SCAF4: variants seen among roughly 807,000 people sequenced by gnomAD.
The protein encoded by SCAF4 is SR-related and CTD-associated factor 4.
SCAF4 carries 25 observed loss-of-function variants against 129.8 expected under a neutral mutation model. That is an observed-to-expected ratio of 0.19 (90% CI 0.14 to 0.27). SCAF4 has a LOEUF of 0.27. Among genes scored for constraint, SCAF4 ranks in the 10% least tolerant of loss-of-function variants. The pLI, the probability that SCAF4 is intolerant of heterozygous loss-of-function variation, is 1.00. For missense variants in SCAF4, 1,246 were observed against 1,457.1 expected, an observed-to-expected ratio of 0.86 and a Z score of 2.36; for synonymous variants, 551 against 497.7, an observed-to-expected ratio of 1.11 and a Z score of -1.43.
intron 19 of SCAF4, among the ~76,000 whole-genome samples, chr21:31,674,820 GTATTAAAT>G (rs2049809841): frequency 6.6e-6 from 1 of 151,888 alleles, no homozygotes; most frequent in Middle Eastern, 3.4e-3. Flanking sequence ...TTCATATTAT[GTATTAAAT>G]ATCTGAATTT....
rs961057973 is a variant in SCAF4 at position 31,688,396 on chromosome 21, T to C, written c.1954A>G (p.Thr652Ala). 1.1e-5 allele frequency: 18 copies of C among 1,613,966 alleles called. No individual in the cohort carries two copies. Among genetic ancestry groups the C allele is most frequent in the Non-Finnish European group, 1.4e-5 (17 of 1,179,926 alleles). The change falls in exon 16 of 20, where the codon ACA (threonine) becomes GCA (alanine). Residue 652 changes from threonine to alanine, a missense_variant. Physicochemically the swap from Thr to Ala is moderately conservative, Grantham distance 58. Transcript: ENST00000286835. Reference protein sequence around the residue: ...AQNGGAETSHTEPVSPIPKPL... With the variant: ...AQNGGAETSHAEPVSPIPKPL... The stretch of plus-strand genomic sequence containing the variant: ...TTAGGTATGGGTGATACTGGTTCTG[T>C]GTGTGAGGTTTCAGCACCTCCATTT...
At chr21:31,727,488 A>T (rs907308766) in intron 1 of SCAF4, among the ~76,000 whole-genome samples, 1 of 152,228 alleles carries the variant, frequency 6.6e-6, no homozygotes, top group African/African-American at 2.4e-5. Context: ...TAAAAATACA[A>T]TCAATGGGTT....
chr21:31,720,324 T>G (rs1425970880), intron 1 of SCAF4, among the ~76,000 whole-genome samples: 4 of 152,248 alleles, frequency 2.6e-5, no homozygotes, highest in Admixed American at 2.6e-4. Context: ...ATAGACATCT[T>G]TAGTTTTAAA....
At chr21:31,716,735 T>C (rs189909613) in intron 1 of SCAF4, among the ~76,000 whole-genome samples, 253 of 152,298 alleles carry the variant, frequency 1.7e-3, no homozygotes, top group African/African-American at 5.7e-3. Context: ...GTCCTTTTCT[T>C]AACCTGGTAT....
intron 1 of SCAF4, among the ~76,000 whole-genome samples, chr21:31,719,587 C>T (rs2051021982): frequency 6.6e-6 from 1 of 152,126 alleles, no homozygotes; most frequent in African/African-American, 2.4e-5. Flanking sequence ...GCACCACAAC[C>T]TCCGCCTCCT....
At chr21:31,713,815 A>G (rs188935517) in intron 1 of SCAF4, among the ~76,000 whole-genome samples, 1,825 of 152,222 alleles carry the variant, frequency 0.012, 43 homozygotes, top group African/African-American at 0.042. Flanking sequence ...TTTTCAATCA[A>G]GTTTAGATAC....
chr21:31,678,158 T>C (rs1370870257), intron 19 of SCAF4, among the ~76,000 whole-genome samples: 1 of 152,148 alleles, frequency 6.6e-6, no homozygotes. Context: ...TACCAGTAGT[T>C]TACTTGACAT....
chr21:31,714,130 A>G (rs2050870171), intron 1 of SCAF4, among the ~76,000 whole-genome samples: 1 of 152,042 alleles, frequency 6.6e-6, no homozygotes, highest in Non-Finnish European at 1.5e-5. Flanking sequence ...ATATACTGAT[A>G]TCTGCTTGAT....
chr21:31,703,174 CTT>C lies in SCAF4; in HGVS notation c.321+589_321+590del, dbSNP rs1223247557. Among the ~76,000 whole-genome samples, 17 of 145,828 alleles carry C rather than the reference CTT, an allele frequency of 1.2e-4. No individual in the cohort carries two copies. In the East Asian group the frequency reaches 4.2e-3, roughly 36 times the overall value. Reference sequence around the variant, plus strand: ...TGGGGAAGAACATCTATTATTGGCTCTTTCTTTCTGGAATAACCACAATCAGA... The same window carrying C: ...TGGGGAAGAACATCTATTATTGGCTCTCTTTCTGGAATAACCACAATCAGA... On this transcript the variant is annotated intron_variant, in intron 4 of 19. Coordinates refer to ENST00000286835, the MANE Select transcript of SCAF4 (RefSeq NM_020706.2).
chr21:31,705,500 TTTAC>T (rs143379842), intron 2 of SCAF4, 33 bp from the exon 3 acceptor site: 24,363 of 1,016,296 alleles, frequency 0.024, 401 homozygotes, highest in Middle Eastern at 0.056. Flanking sequence ...TACTGTTCAG[TTTAC>T]TTATTTCTAC....
intron 19 of SCAF4, chr21:31,684,006 ATTGT>A (rs2050056824): frequency 1.3e-5 from 2 of 153,572 alleles, no homozygotes; most frequent in Middle Eastern, 6.8e-3. Flanking sequence ...TTAAAAACAA[ATTGT>A]TTTTTTATTA....
chr21:31,728,562 T>C, intron 1 of SCAF4, among the ~76,000 whole-genome samples: 1 of 152,236 alleles, frequency 6.6e-6, no homozygotes, highest in East Asian at 1.9e-4. Flanking sequence ...GGGGAGTTAC[T>C]ATTTATTATA....
chr21:31,695,782 A>G (rs952954090), intron 9 of SCAF4, among the ~76,000 whole-genome samples: 9 of 152,232 alleles, frequency 5.9e-5, no homozygotes, highest in South Asian at 2.1e-4. Flanking sequence ...AGAGCCCTCT[A>G]AAGTATCTAA....
intron 7 of SCAF4, among the ~76,000 whole-genome samples, chr21:31,699,505 T>G (rs955362029): frequency 2.6e-4 from 33 of 126,348 alleles, no homozygotes; most frequent in African/African-American, 1.2e-3. Context: ...ATTATTTGTT[T>G]TTTTTTTTTT....
chr21:31,702,436 T>C lies in SCAF4; in HGVS notation c.322-57A>G, dbSNP rs548602726. 685 of 1,468,580 alleles carry C rather than the reference T, an allele frequency of 4.7e-4. 1 individual carries two copies. Among genetic ancestry groups the C allele is most frequent in the Non-Finnish European group, 6.2e-4 (664 of 1,070,484 alleles). 91.0% of individuals were successfully genotyped at this position (1,468,580 alleles called of 1,614,324 possible). ...AAATATTTGCATAAATAACCGATTATACTCTTACAAAAAAAAGAGAGGAAA... is the reference window on the plus strand; with the variant it reads ...AAATATTTGCATAAATAACCGATTACACTCTTACAAAAAAAAGAGAGGAAA... On this transcript the variant is annotated intron_variant, in intron 4 of 19. Transcript: ENST00000286835.
chr21:31,724,229 CTTAATA>C (rs1302738804), intron 1 of SCAF4, among the ~76,000 whole-genome samples: 2 of 152,028 alleles, frequency 1.3e-5, no homozygotes, highest in African/African-American at 4.8e-5. Flanking sequence ...ATTAATTACA[CTTAATA>C]TTAACACAGA....
At chr21:31,721,144 T>C (rs2051057439) in intron 1 of SCAF4, among the ~76,000 whole-genome samples, 1 of 152,178 alleles carries the variant, frequency 6.6e-6, no homozygotes, top group Non-Finnish European at 1.5e-5. Context: ...TCACTCTCCA[T>C]TCCTCCTTTT....
chr21:31,695,030 GA>G, intron 9 of SCAF4, 50 bp from the exon 10 acceptor site: 1 of 1,509,234 alleles, frequency 6.6e-7, no homozygotes, highest in Non-Finnish European at 9.0e-7. Flanking sequence ...AAATAATTTG[GA>G]AAACCTTTAG....
intron 6 of SCAF4, 105 bp from the exon 7 acceptor site, chr21:31,701,276 G>A (rs983891693): frequency 5.2e-6 from 5 of 966,368 alleles, no homozygotes; most frequent in Admixed American, 6.5e-5. Flanking sequence ...AGTAGCATAG[G>A]CACAGAACAA....
Sources: allele counts gnomAD v4.1 joint callset (sites outside exome capture counted in the v4.1 genomes callset), GRCh38; gene constraint gnomAD v4.1.1; transcripts MANE v1.5; gene names NCBI Gene and HGNC (gene_info 2026-07-23, HGNC 2026-07-21).